Variants in CTNND2 observed in about 807,000 individuals in gnomAD.
CTNND2 encodes the protein catenin delta-2.
CTNND2 carries 22 observed loss-of-function variants against 144.4 expected under a neutral mutation model. That is an observed-to-expected ratio of 0.15 (90% CI 0.11 to 0.22). The LOEUF (loss-of-function observed/expected upper bound fraction) is 0.22, where lower values mean the gene tolerates loss of function less well. Among genes scored for constraint, CTNND2 ranks in the 10% least tolerant of loss-of-function variants. The pLI is 1.00. For missense variants in CTNND2, 1,353 were observed against 1,618.8 expected, an observed-to-expected ratio of 0.84 and a Z score of 2.82; for synonymous variants, 751 against 695.6, an observed-to-expected ratio of 1.08 and a Z score of -1.25.
intron 6 of CTNND2, among the ~76,000 whole-genome samples, chr5:11,390,206 C>G (rs536528540): frequency 1.3e-3 from 202 of 152,254 alleles, no homozygotes; most frequent in South Asian, 6.6e-3. Context: ...TTTGTTTGTA[C>G]AGAATACTAT....
intron 9 of CTNND2, among the ~76,000 whole-genome samples, chr5:11,264,796 T>C (rs1207802018): frequency 6.6e-6 from 1 of 152,066 alleles, no homozygotes; most frequent in Middle Eastern, 3.2e-3. Context: ...CCAGGCATGA[T>C]GGAGTGTGCC....
At chr5:11,485,374 TGCGCGCGCGCGC>T (rs141291357) in intron 3 of CTNND2, among the ~76,000 whole-genome samples, 7 of 140,520 alleles carry the variant, frequency 5.0e-5, no homozygotes, top group East Asian at 2.0e-4. Context: ...TGTGTGTGTG[TGCGCGCGCGCGC>T]GTGCGCGCGC....
At chr5:11,169,200 T>A (rs1012504611) in intron 11 of CTNND2, among the ~76,000 whole-genome samples, 1 of 152,170 alleles carries the variant, frequency 6.6e-6, no homozygotes, top group Non-Finnish European at 1.5e-5. Flanking sequence ...GCCAAGGACC[T>A]ACAGCCTTAT....
intron 10 of CTNND2, among the ~76,000 whole-genome samples, chr5:11,200,823 C>T (rs1420000453): frequency 2.0e-5 from 3 of 152,174 alleles, no homozygotes; most frequent in Non-Finnish European, 2.9e-5. Flanking sequence ...GGACTATAGG[C>T]GTCCGCCACC....
chr5:11,058,736 A>G (rs928429908), intron 16 of CTNND2, among the ~76,000 whole-genome samples: 1 of 152,202 alleles, frequency 6.6e-6, no homozygotes, highest in African/African-American at 2.4e-5. Flanking sequence ...CAGACACTCA[A>G]TACTAGCCCA....
chr5:11,504,559 C>T (rs766044146), intron 3 of CTNND2, among the ~76,000 whole-genome samples: 10 of 152,274 alleles, frequency 6.6e-5, no homozygotes, highest in East Asian at 3.9e-4. Flanking sequence ...CTGGCATCCA[C>T]GAGGGCTTCC....
chr5:11,031,367 C>T (rs1249618811), intron 16 of CTNND2, among the ~76,000 whole-genome samples: 1 of 152,068 alleles, frequency 6.6e-6, no homozygotes, highest in Non-Finnish European at 1.5e-5. Context: ...GCTCTAGGAA[C>T]ATGTGCACAG....
At chr5:11,465,781 G>A (rs1766617567) in intron 3 of CTNND2, among the ~76,000 whole-genome samples, 1 of 152,134 alleles carries the variant, frequency 6.6e-6, no homozygotes, top group African/African-American at 2.4e-5. Flanking sequence ...AACTCCATCT[G>A]GAGTTTGCTA....
intron 1 of CTNND2, among the ~76,000 whole-genome samples, chr5:11,835,684 A>ATG (rs559041886): frequency 2.6e-4 from 40 of 152,270 alleles, no homozygotes; most frequent in African/African-American, 9.6e-4. Context: ...AGTGTCGGTA[A>ATG]TGTGTCTTCT....
chr5:11,403,924 A>C (rs1002782394), intron 5 of CTNND2, among the ~76,000 whole-genome samples: 1 of 152,128 alleles, frequency 6.6e-6, no homozygotes, highest in Non-Finnish European at 1.5e-5. Context: ...TCTCTGATTC[A>C]ATGTCTTCTC....
intron 2 of CTNND2, among the ~76,000 whole-genome samples, chr5:11,711,850 G>A (rs1004231492): frequency 6.6e-6 from 1 of 152,188 alleles, no homozygotes; most frequent in Admixed American, 6.5e-5. Context: ...TCATCTTTCA[G>A]ATGGGCATGG....
intron 1 of CTNND2, among the ~76,000 whole-genome samples, chr5:11,747,302 T>TA (rs760312483): frequency 6.6e-6 from 1 of 152,156 alleles, no homozygotes; most frequent in Non-Finnish European, 1.5e-5. Context: ...GAAATTGAAA[T>TA]AGGCACAGTA....
At chr5:11,634,898 A>G (rs1048923271) in intron 2 of CTNND2, among the ~76,000 whole-genome samples, 2 of 152,046 alleles carry the variant, frequency 1.3e-5, no homozygotes, top group African/African-American at 4.8e-5. Context: ...AAAATAGTCC[A>G]TTATTTTTGG....
At chr5:11,671,892 T>C (rs1783891505) in intron 2 of CTNND2, among the ~76,000 whole-genome samples, 2 of 152,186 alleles carry the variant, frequency 1.3e-5, no homozygotes, top group South Asian at 4.1e-4. Flanking sequence ...ATTTTTGCAA[T>C]GGTTTCTCCC....
chr5:11,028,224 C>A (rs1420848272), intron 16 of CTNND2, among the ~76,000 whole-genome samples: 1 of 152,128 alleles, frequency 6.6e-6, no homozygotes, highest in Non-Finnish European at 1.5e-5. Context: ...GTCAGCTGGA[C>A]TGGAGAGCAA....
chr5:11,216,774 C>T (rs936508087), intron 10 of CTNND2, among the ~76,000 whole-genome samples: 8 of 152,192 alleles, frequency 5.3e-5, no homozygotes, highest in African/African-American at 1.9e-4. Context: ...ACTTCAGGCT[C>T]GCTGGATAAG....
chr5:11,662,155 A>G (rs1015628765), intron 2 of CTNND2, among the ~76,000 whole-genome samples: 7 of 143,652 alleles, frequency 4.9e-5, no homozygotes, highest in Non-Finnish European at 6.0e-5. Flanking sequence ...ACACATATAT[A>G]TGTGTATATA....
At chr5:11,083,419 G>A (rs759957855) in intron 15 of CTNND2, among the ~76,000 whole-genome samples, 1 of 152,138 alleles carries the variant, frequency 6.6e-6, no homozygotes, top group East Asian at 1.9e-4. Flanking sequence ...ATGGTAAAAT[G>A]TTTTTTAAAA....
intron 1 of CTNND2, among the ~76,000 whole-genome samples, chr5:11,894,934 A>AT (rs1228354513): frequency 6.6e-6 from 1 of 152,146 alleles, no homozygotes; most frequent in Non-Finnish European, 1.5e-5. Flanking sequence ...CTATCCTATG[A>AT]TTTGTGGATC....
Sources: gnomAD v4.1 joint callset for allele counts (sites outside exome capture counted in the v4.1 genomes callset) on GRCh38, gnomAD v4.1.1 for gene constraint, MANE v1.5 for transcripts, NCBI Gene and HGNC (gene_info 2026-07-23, HGNC 2026-07-21) for gene names.